CPLX2: variants seen among roughly 807,000 people sequenced by gnomAD.
The protein encoded by CPLX2 is complexin-2.
Under a neutral mutation model 16.3 loss-of-function variants are expected in CPLX2, and 5 were observed. The ratio of observed to expected loss-of-function variants is 0.31; its 90% CI spans 0.16 to 0.64. The LOEUF (loss-of-function observed/expected upper bound fraction) is 0.64, where lower values mean the gene tolerates loss of function less well. CPLX2 is among the 30% of genes least tolerant of loss of function. The pLI is 0.79. For missense variants in CPLX2, 144 were observed against 181.4 expected (o/e 0.79, Z 1.18); for synonymous variants, 89 against 73.2 (o/e 1.22, Z -1.10).
chr5:175,858,007 C>T (rs183224198), intron 2 of CPLX2, among the ~76,000 whole-genome samples: 9 of 152,362 alleles, frequency 5.9e-5, no homozygotes, highest in Admixed American at 1.3e-4. Flanking sequence ...AGCCCAGCAA[C>T]GTGCCTGCAA....
At position 175,878,699 on chromosome 5, in the gene CPLX2, A is replaced by G. The variant is rs1194265420; in HGVS notation, c.-41A>G. 6.2e-7 allele frequency: 1 copy of G among 1,609,380 alleles called. No individual in the cohort carries two copies. Among genetic ancestry groups the G allele is most frequent in the Admixed American group, 1.7e-5 (1 of 59,436 alleles). On this transcript the variant is annotated 5_prime_UTR_variant, in exon 2 of 4. Coordinates refer to ENST00000393745, the MANE Select transcript of CPLX2 (RefSeq NM_001008220.2). ...GGCCAGCCAGGAGCGCTGCATGCAAATTCTGCCGTGGGCTAAGGCACGCTA... is the reference window on the plus strand; with the variant it reads ...GGCCAGCCAGGAGCGCTGCATGCAAGTTCTGCCGTGGGCTAAGGCACGCTA...
At chr5:175,853,198 T>C (rs1038904966) in intron 2 of CPLX2, among the ~76,000 whole-genome samples, 3 of 152,226 alleles carry the variant, frequency 2.0e-5, no homozygotes, top group Non-Finnish European at 2.9e-5. Context: ...TGCAAGTGAA[T>C]GAAATGAGAG....
chr5:175,844,977 T>C (rs1759015190), intron 2 of CPLX2, among the ~76,000 whole-genome samples: 1 of 152,200 alleles, frequency 6.6e-6, no homozygotes, highest in Non-Finnish European at 1.5e-5. Flanking sequence ...GAACAGAGGC[T>C]CTGTGAGCTT....
At chr5:175,813,138 A>C (rs1186670102) in intron 2 of CPLX2, among the ~76,000 whole-genome samples, 1 of 152,244 alleles carries the variant, frequency 6.6e-6, no homozygotes, top group Non-Finnish European at 1.5e-5. Context: ...AGATGACTTT[A>C]GCTGGTATAC....
intron 1 of CPLX2, among the ~76,000 whole-genome samples, chr5:175,806,618 G>A (rs1758207936): frequency 6.6e-6 from 1 of 151,836 alleles, no homozygotes; most frequent in Non-Finnish European, 1.5e-5. Context: ...AGCCTCCCGA[G>A]TAGCTGGGAT....
At chr5:175,820,994 G>A (rs1454388835) in intron 2 of CPLX2, among the ~76,000 whole-genome samples, 1 of 152,126 alleles carries the variant, frequency 6.6e-6, no homozygotes, top group Non-Finnish European at 1.5e-5. Context: ...TCTCTGGTTT[G>A]GGCTCTTCCT....
At chr5:175,854,584 G>A (rs527449283) in intron 2 of CPLX2, among the ~76,000 whole-genome samples, 67 of 152,256 alleles carry the variant, frequency 4.4e-4, no homozygotes, top group African/African-American at 1.5e-3. Context: ...CATTATCAGC[G>A]TACTATTTGT....
intron 2 of CPLX2, among the ~76,000 whole-genome samples, chr5:175,827,656 A>G (rs1758643904): frequency 6.6e-6 from 1 of 152,186 alleles, no homozygotes; most frequent in Non-Finnish European, 1.5e-5. Context: ...GCTACTCCGG[A>G]GGCTGAGGCA....
In CPLX2 at chr5:175,883,994, A is replaced by C. The variant is rs1755693638; in HGVS notation, c.*3949A>C. On this transcript the variant is annotated 3_prime_UTR_variant, in exon 4 of 4. Coordinates refer to ENST00000393745, the MANE Select transcript of CPLX2 (RefSeq NM_001008220.2). ...GCTGAAATGTACAAAATCAACCATGACAACAAAGAAAAAGACCTTGTACAG... is the reference window on the plus strand; with the variant it reads ...GCTGAAATGTACAAAATCAACCATGCCAACAAAGAAAAAGACCTTGTACAG... 6.6e-6 allele frequency: 1 copy of C among 152,550 alleles called. No homozygotes were observed. Among genetic ancestry groups the C allele is most frequent in the Non-Finnish European group, 1.5e-5 (1 of 68,056 alleles). 9.4% of individuals were successfully genotyped at this position (152,550 alleles called of 1,614,324 possible).
At chr5:175,875,332 G>C (rs947273610) in intron 1 of CPLX2, among the ~76,000 whole-genome samples, 4 of 152,112 alleles carry the variant, frequency 2.6e-5, no homozygotes, top group Admixed American at 2.6e-4. Context: ...GGGAATCCAG[G>C]GCACAGGTAG....
rs1755592587 is a variant in CPLX2, at chr5:175,881,357, G to A, written c.*1312G>A. ...TTGTGTATGTTAGCCTTGTGTATGT[G>A]TGCTTGATTGAGGTGGTGTATTTGG... On this transcript the variant is annotated 3_prime_UTR_variant, in exon 4 of 4. Coordinates refer to ENST00000393745, the MANE Select transcript of CPLX2 (RefSeq NM_001008220.2). The A allele has an allele frequency of 6.5e-6, 1 of 153,458 alleles. No individual in the cohort carries two copies. Among genetic ancestry groups the A allele is most frequent in the South Asian group, 2.1e-4 (1 of 4,830 alleles). The allele number at this position is 153,458 out of a possible 1,614,324, so 9.5% of individuals were successfully genotyped here.
rs538369450 is a variant in CPLX2 at position 175,820,969 on chromosome 5, G to A, written c.-89+11901G>A. On this transcript the variant is annotated intron_variant, in intron 2 of 4. Coordinates refer to the CPLX2 transcript ENST00000359546. ...TCAGGAACTCCCAGGCCTGCTGCTG[G>A]GGATGGTGCGTCCTTCTCTGGTTTG... 2.6e-4 allele frequency among the ~76,000 whole-genome samples: 39 copies of A among 152,276 alleles called. 1 individual carries two copies. In the South Asian group the frequency reaches 8.1e-3, roughly 32 times the overall value.
Position 175,817,376 on chromosome 5 carries a change from CAT to C in CPLX2, c.-89+8310_-89+8311del, listed in dbSNP as rs374252489. Among the ~76,000 whole-genome samples, 577 of 152,342 alleles carry C rather than the reference CAT, an allele frequency of 3.8e-3. 7 individuals are homozygous for C. Among genetic ancestry groups the C allele is most frequent in the African/African-American group, 0.014 (562 of 41,572 alleles). On this transcript the variant is annotated intron_variant, in intron 2 of 4. Coordinates refer to the CPLX2 transcript ENST00000359546. ...ACACCTACCTCCCTGAACAACTGCG[CAT>C]AGTCTCTGACATCACGTGTCTAATG...
At chr5:175,814,558 C>G (rs977320732) in intron 2 of CPLX2, among the ~76,000 whole-genome samples, 1 of 152,174 alleles carries the variant, frequency 6.6e-6, no homozygotes, top group Non-Finnish European at 1.5e-5. Flanking sequence ...TTCAAGGAAT[C>G]AGGTGTGAAC....
At chr5:175,879,654 C>T in intron 3 of CPLX2, 194 bp from the exon 4 acceptor site, 1 of 701,570 alleles carries the variant, frequency 1.4e-6, no homozygotes, top group Non-Finnish European at 2.6e-6. Flanking sequence ...AAGGAAACCC[C>T]ACGTATGGTC....
intron 2 of CPLX2, among the ~76,000 whole-genome samples, chr5:175,848,506 G>A (rs1428104892): frequency 1.3e-5 from 2 of 152,146 alleles, no homozygotes; most frequent in African/African-American, 2.4e-5. Context: ...TGAAGGAGAG[G>A]GCACGAGGGA....
chr5:175,843,829 C>T (rs572522996), intron 2 of CPLX2, among the ~76,000 whole-genome samples: 17 of 152,346 alleles, frequency 1.1e-4, no homozygotes, highest in African/African-American at 4.1e-4. Flanking sequence ...GTCGTTGTTA[C>T]CTGCTATAGC....
At chr5:175,810,570 G>A (rs1159203651) in intron 2 of CPLX2, among the ~76,000 whole-genome samples, 1 of 152,172 alleles carries the variant, frequency 6.6e-6, no homozygotes, top group Non-Finnish European at 1.5e-5. Context: ...CAATACGTGT[G>A]TACTGAGTGT....
intron 2 of CPLX2, among the ~76,000 whole-genome samples, chr5:175,816,197 C>G (rs1758404193): frequency 6.6e-6 from 1 of 151,648 alleles, no homozygotes; most frequent in Non-Finnish European, 1.5e-5. Flanking sequence ...GAGACAGAGT[C>G]TCACTCTGTC....
Sources: allele counts gnomAD v4.1 joint callset (sites outside exome capture counted in the v4.1 genomes callset), GRCh38; gene constraint gnomAD v4.1.1; transcripts MANE v1.5; gene names NCBI Gene and HGNC (gene_info 2026-07-23, HGNC 2026-07-21).